The following FAT1 variants were observed in gnomAD, a reference collection of about 807,000 sequenced individuals.
FAT1 encodes protocadherin Fat 1.
FAT1 carries 171 observed loss-of-function variants against 329.8 expected under a neutral mutation model. That is an observed-to-expected ratio of 0.52 (90% CI 0.46 to 0.59). The LOEUF (loss-of-function observed/expected upper bound fraction) is 0.59. Among genes scored for constraint, FAT1 ranks in the 20% least tolerant of loss-of-function variants. FAT1 has a pLI of 0.00. For missense variants in FAT1, 5,672 were observed against 5,774.4 expected, an observed-to-expected ratio of 0.98 and a Z score of 0.57; for synonymous variants, 2,233 against 2,228.6, an observed-to-expected ratio of 1.00 and a Z score of -0.06.
intron 3 of FAT1, among the ~76,000 whole-genome samples, chr4:186,644,785 C>A (rs188627477): frequency 1.0e-3 from 154 of 152,288 alleles, no homozygotes; most frequent in African/African-American, 3.6e-3. Context: ...AGCAGATAGA[C>A]GTAAAAGTGA....
intron 1 of FAT1, among the ~76,000 whole-genome samples, chr4:186,718,263 G>A (rs1430297648): frequency 6.6e-6 from 1 of 152,018 alleles, no homozygotes. Flanking sequence ...ACCCACCCTA[G>A]CTGCAAATAA....
intron 24 of FAT1, 158 bp from the exon 25 acceptor site, chr4:186,597,329 C>G: frequency 1.4e-6 from 1 of 735,362 alleles, no homozygotes; most frequent in Non-Finnish European, 2.1e-6. Flanking sequence ...TCGACAACCA[C>G]GAGAAAAGAC....
At chr4:186,609,634 C>T (rs946486378) in intron 15 of FAT1, among the ~76,000 whole-genome samples, 167 bp downstream of exon 15, 13 of 152,172 alleles carry the variant, frequency 8.5e-5, no homozygotes, top group African/African-American at 2.9e-4. Context: ...TGTTTTAACA[C>T]AATTATTCAT....
At chr4:186,646,706 A>G (rs1741401419) in intron 3 of FAT1, among the ~76,000 whole-genome samples, 1 of 141,590 alleles carries the variant, frequency 7.1e-6, no homozygotes. Flanking sequence ...TTTTGTAGAC[A>G]TCTGTCTTAA....
At chr4:186,595,968 C>A in intron 25 of FAT1, 142 bp from the exon 26 acceptor site, 1 of 841,694 alleles carries the variant, frequency 1.2e-6, no homozygotes, top group Non-Finnish European at 1.8e-6. Flanking sequence ...AACAGAAACA[C>A]CTTACAAACT....
chr4:186,686,861 A>G (rs1231745958), intron 2 of FAT1, among the ~76,000 whole-genome samples: 1 of 152,234 alleles, frequency 6.6e-6, no homozygotes, highest in Non-Finnish European at 1.5e-5. Flanking sequence ...CTTGGGAAGG[A>G]AAAGAGAACT....
At chr4:186,724,320 G>T (rs1453987255), upstream of FAT1, among the ~76,000 whole-genome samples, 4 of 152,034 alleles carry the variant, frequency 2.6e-5, no homozygotes, top group Non-Finnish European at 5.9e-5. The surrounding 1 kb of genome is among the most constrained non-coding windows in gnomAD (Gnocchi z 5.3). Context: ...CGAAGGTTTG[G>T]TGGGCTGAAG....
intron 17 of FAT1, among the ~76,000 whole-genome samples, chr4:186,605,735 G>A (rs913162309): frequency 1.3e-5 from 2 of 150,252 alleles, no homozygotes; most frequent in South Asian, 2.2e-4. Context: ...GGAAGGATTG[G>A]GGGCTAGAAG....
At chr4:186,643,523 G>GA (rs1741198303) in intron 3 of FAT1, among the ~76,000 whole-genome samples, 1 of 152,022 alleles carries the variant, frequency 6.6e-6, no homozygotes, top group Admixed American at 6.5e-5. Context: ...CCCCCTCTGC[G>GA]AAAAATTACA....
intron 3 of FAT1, among the ~76,000 whole-genome samples, chr4:186,652,168 G>T (rs1233247573): frequency 6.6e-6 from 1 of 152,186 alleles, no homozygotes; most frequent in Non-Finnish European, 1.5e-5. Context: ...GTTGAAAATT[G>T]ATGGCATTAA....
chr4:186,717,963 C>T (rs1167781255), intron 1 of FAT1, among the ~76,000 whole-genome samples: 2 of 152,144 alleles, frequency 1.3e-5, no homozygotes, highest in East Asian at 3.9e-4. Flanking sequence ...ATGTATTTTT[C>T]TCCACAAACA....
Position 186,707,517 on chromosome 4 carries a change from T to C in FAT1, c.2311A>G (p.Thr771Ala), listed in dbSNP as rs1035617263. ...EDSCFMIDMETGMLKILSPLD... is the reference protein window; with the variant it reads ...EDSCFMIDMEAGMLKILSPLD... Reference sequence around the variant, plus strand: ...GGAGATAAAATTTTCAGCATTCCTGTTTCCATATCAATCATGAAGCAACTA... The same window carrying C: ...GGAGATAAAATTTTCAGCATTCCTGCTTCCATATCAATCATGAAGCAACTA... Residue 771 changes from threonine to alanine, a missense_variant, in exon 2 of 27, where the codon ACA becomes GCA. By Grantham distance (58) the Thr-to-Ala change is moderately conservative. Around this residue, in one of 2 missense-constraint regions of FAT1, gnomAD observed 3,966 missense variants for 3,915.2 expected, o/e 1.01. Coordinates refer to ENST00000441802, the MANE Select transcript of FAT1 (RefSeq NM_005245.4). 6 of 1,613,886 alleles carry C rather than the reference T, an allele frequency of 3.7e-6. No individual in the cohort carries two copies. In the African/African-American group the frequency reaches 5.3e-5, roughly 14 times the overall value.
chr4:186,598,957 T>G (rs1290047931), intron 22 of FAT1: 1 of 152,242 alleles, frequency 6.6e-6, no homozygotes, highest in African/African-American at 2.4e-5. Flanking sequence ...TGGCTGTGGG[T>G]TTTTCTCAGG....
At chr4:186,622,446 G>A (rs1218049641) in intron 9 of FAT1, among the ~76,000 whole-genome samples, 1 of 152,146 alleles carries the variant, frequency 6.6e-6, no homozygotes. Flanking sequence ...TCGGAAGAGG[G>A]TGCTCCTGGC....
Position 186,707,588 on chromosome 4 carries a change from C to T in FAT1, c.2240G>A (p.Gly747Asp), listed in dbSNP as rs2126689822. 2 of 1,613,990 alleles carry T rather than the reference C, an allele frequency of 1.2e-6. No individual in the cohort carries two copies. Among genetic ancestry groups the T allele is most frequent in the Non-Finnish European group, 1.7e-6 (2 of 1,179,900 alleles). Residue 747 changes from glycine (G) to aspartate (D), a missense_variant, in exon 2 of 27, where the codon GGC (glycine) becomes GAC (aspartate). Gly to Asp is a moderately conservative substitution (Grantham distance 94). Around this residue, in one of 2 missense-constraint regions of FAT1, gnomAD observed 3,966 missense variants for 3,915.2 expected, o/e 1.01. Coordinates refer to ENST00000441802, the MANE Select transcript of FAT1 (RefSeq NM_005245.4). ...AGCATAGACCAGTTTTCCATTGAAG[C>T]CAGTGTCAAGGTCAGTGGAGTTCAT... ...IFMNSTDLDT[G>D]FNGKLVYAVS...
chr4:186,631,922 T>A (rs1283968855), intron 7 of FAT1, among the ~76,000 whole-genome samples: 3 of 143,014 alleles, frequency 2.1e-5, no homozygotes, highest in Non-Finnish European at 4.5e-5. Flanking sequence ...TTCCAGGTTC[T>A]CAGCTAAAGA....
chr4:186,597,937 C>T (rs1263980135), intron 23 of FAT1, 35 bp downstream of exon 23: 1 of 1,586,278 alleles, frequency 6.3e-7, no homozygotes, highest in Non-Finnish European at 8.6e-7. Flanking sequence ...TTTTATACTA[C>T]AATTGATTAT....
chr4:186,681,355 G>C (rs554912893), intron 2 of FAT1, among the ~76,000 whole-genome samples: 5 of 152,252 alleles, frequency 3.3e-5, no homozygotes, highest in South Asian at 2.1e-4. Context: ...TTTGATGTTT[G>C]AGAAACTAAA....
In FAT1 at chr4:186,628,227, T is replaced by C. The variant is rs1468479864; in HGVS notation, c.4737A>G (p.Ser1579=). 6.2e-7 allele frequency: 1 copy of C among 1,613,942 alleles called. No individual in the cohort carries two copies. Among genetic ancestry groups the C allele is most frequent in the Admixed American group, 1.7e-5 (1 of 60,016 alleles). The change falls in exon 9 of 27, where the codon TCA becomes TCG. Residue 1579 remains serine, a synonymous_variant. Coordinates refer to ENST00000441802, the MANE Select transcript of FAT1 (RefSeq NM_005245.4). The stretch of plus-strand genomic sequence containing the variant: ...CCAGAGCCGTCACCTGCAACACAAC[T>C]GAGCCAACGGCTGCCGATTCATAAA... ...GRVYESAAVG[S]VVLQVTALDK...
Sources: allele counts gnomAD v4.1 joint callset (sites outside exome capture counted in the v4.1 genomes callset), GRCh38; gene constraint gnomAD v4.1.1; regional missense constraint gnomAD v4.1.1; non-coding constraint Gnocchi (gnomAD v3.1); transcripts MANE v1.5; gene names NCBI Gene and HGNC (gene_info 2026-07-23, HGNC 2026-07-21).